IKZF5: variants seen among roughly 807,000 people sequenced by gnomAD.
The protein encoded by IKZF5 is IKAROS family zinc finger 5.
IKZF5 carries 4 observed loss-of-function variants against 30.7 expected under a neutral mutation model. The observed-to-expected ratio is 0.13, with a 90% CI of 0.06 to 0.30. The LOEUF is 0.30. Among genes scored for constraint, IKZF5 ranks in the 10% least tolerant of loss-of-function variants. The probability of loss-of-function intolerance (pLI) is 1.00; values close to 1 mark genes in which losing one functional copy is unlikely to be tolerated. For missense variants in IKZF5, 348 were observed against 525.5 expected (o/e 0.66, Z 3.30); for synonymous variants, 148 against 179.6 (o/e 0.82, Z 1.41).
At position 122,998,494 on chromosome 10, in the gene IKZF5, T is replaced by G. The variant is rs765098264; in HGVS notation, c.132A>C (p.Gly44=). 3.7e-6 allele frequency: 6 copies of G among 1,610,260 alleles called. No homozygotes were observed. The highest frequency in any genetic ancestry group is 5.1e-6 in the Non-Finnish European group (6 of 1,178,134). Residue 44 remains glycine (G), a splice_region_variant and synonymous_variant, in exon 3 of 5, where the codon GGA becomes GGC. Coordinates refer to ENST00000368886, the MANE Select transcript of IKZF5 (RefSeq NM_001372123.1). ...TTAGTAGTATTAAAATGAGTCTACC[T>G]CCCTGAAGAGCCTCTGCTTCTTTGT... ...SGDKEAEALQ[G]AGTDGDQNGL... is the part of the protein sequence containing the mutation.
chr10:122,997,225 G>A (rs1849407774), intron 3 of IKZF5: 1 of 152,178 alleles, frequency 6.6e-6, no homozygotes, highest in Non-Finnish European at 1.5e-5. Flanking sequence ...CGTTAGGAGG[G>A]AAATTTCCAT....
chr10:123,003,503 A>G (rs924692230), intron 2 of IKZF5, among the ~76,000 whole-genome samples: 1 of 152,186 alleles, frequency 6.6e-6, no homozygotes, highest in Non-Finnish European at 1.5e-5. Context: ...TCTCAGCCTT[A>G]GTTTCCTATT....
At chr10:123,008,088 G>A (rs551636051) in intron 1 of IKZF5, among the ~76,000 whole-genome samples, 54 of 152,238 alleles carry the variant, frequency 3.5e-4, no homozygotes, top group African/African-American at 1.2e-3. Context: ...TCTAAACCCC[G>A]AATGAACCTG....
intron 2 of IKZF5, among the ~76,000 whole-genome samples, chr10:123,006,029 T>C (rs890611302): frequency 2.0e-5 from 3 of 152,182 alleles, no homozygotes; most frequent in South Asian, 2.1e-4. Context: ...GAATATAGTA[T>C]GGAATTCCAT....
intron 2 of IKZF5, among the ~76,000 whole-genome samples, chr10:123,005,188 A>G (rs1454913616): frequency 2.0e-5 from 3 of 152,168 alleles, no homozygotes; most frequent in Admixed American, 1.3e-4. Flanking sequence ...AAAGAAAATA[A>G]AGGTTTTCTA....
chr10:122,999,143 G>A (rs981134217), intron 2 of IKZF5, among the ~76,000 whole-genome samples: 12 of 152,180 alleles, frequency 7.9e-5, no homozygotes, highest in Admixed American at 3.9e-4. Context: ...GCAGTGAGCC[G>A]TGATTGCACC....
chr10:123,005,194 T>C (rs747514240), intron 2 of IKZF5, among the ~76,000 whole-genome samples: 1 of 152,158 alleles, frequency 6.6e-6, no homozygotes, highest in Non-Finnish European at 1.5e-5. Flanking sequence ...AATAAAGGTT[T>C]TCTATCTGAG....
rs1460918888 is a variant in IKZF5, at chr10:122,994,468, T to C, written c.572A>G (p.Tyr191Cys). 5 of 1,614,182 alleles carry C rather than the reference T, an allele frequency of 3.1e-6. No individual in the cohort carries two copies. The highest frequency in any genetic ancestry group is 1.7e-5 in the Admixed American group (1 of 60,022). Residue 191 changes from tyrosine to cysteine, a missense_variant, in exon 5 of 5, where the codon TAT (tyrosine) becomes TGT (cysteine). This residue lies in a region of IKZF5 where 176 missense variants were observed against 198.2 expected (regional missense o/e 0.89). Coordinates refer to ENST00000368886, the MANE Select transcript of IKZF5 (RefSeq NM_001372123.1). The surrounding 1 kb of genome is among the most constrained non-coding windows in gnomAD (Gnocchi z 5.6). ...VLQKKTSNLGYSRRALINLSP... is the reference protein window; with the variant it reads ...VLQKKTSNLGCSRRALINLSP... Reference sequence around the variant, plus strand: ...TAAGTTGATTAGTGCTCTTCTGCTATAGCCCAGATTGCTTGTTTTCTTCTG... The same window carrying C: ...TAAGTTGATTAGTGCTCTTCTGCTACAGCCCAGATTGCTTGTTTTCTTCTG...
intron 2 of IKZF5, among the ~76,000 whole-genome samples, chr10:123,005,588 T>C (rs769292975): frequency 6.6e-5 from 10 of 152,240 alleles, no homozygotes; most frequent in Non-Finnish European, 1.2e-4. Flanking sequence ...ACTGAATGTT[T>C]ATGTCCCCAA....
chr10:122,998,416 C>G, intron 3 of IKZF5, 77 bp downstream of exon 3: 1 of 1,270,062 alleles, frequency 7.9e-7, no homozygotes, highest in South Asian at 1.5e-5. Context: ...GCGCAGTGGT[C>G]TTCACAGTAA....
chr10:123,006,508 G>A (rs1215462058), intron 2 of IKZF5, among the ~76,000 whole-genome samples: 1 of 152,158 alleles, frequency 6.6e-6, no homozygotes, highest in African/African-American at 2.4e-5. Context: ...AACCAGAGAA[G>A]AAGCTCTCTA....
At chr10:123,004,674 T>C (rs534499746) in intron 2 of IKZF5, among the ~76,000 whole-genome samples, 8 of 151,246 alleles carry the variant, frequency 5.3e-5, no homozygotes, top group Non-Finnish European at 4.4e-5. Flanking sequence ...CACTGTAACA[T>C]TGCAAACATG....
intron 2 of IKZF5, among the ~76,000 whole-genome samples, chr10:123,002,026 C>T (rs551032168): frequency 6.6e-6 from 1 of 152,256 alleles, no homozygotes; most frequent in Admixed American, 6.5e-5. Flanking sequence ...TTTGTTTTCC[C>T]TGTTTCCTGG....
rs766439570 is a variant in IKZF5 at position 122,994,425 on chromosome 10, C to G, written c.615G>C (p.Val205=). Residue 205 remains valine (V), a synonymous_variant, in exon 5 of 5, where the codon GTG becomes GTC. Coordinates refer to ENST00000368886, the MANE Select transcript of IKZF5 (RefSeq NM_001372123.1). This position sits in a 1 kb window ranked among gnomAD's most constrained non-coding sequence, Gnocchi z 5.6. ...ALINLSPPSM[V]VQKPDYLNDF... is the part of the protein sequence containing the mutation. ...CGTTAAGGTAGTCTGGTTTCTGAAC[C>G]ACCATGGAAGGTGGACTTAAGTTGA... 6.2e-7 allele frequency: 1 copy of G among 1,614,104 alleles called. No homozygotes were observed. Among genetic ancestry groups the G allele is most frequent in the African/African-American group, 1.3e-5 (1 of 74,992 alleles).
intron 4 of IKZF5, 63 bp downstream of exon 4, chr10:122,995,931 C>G: frequency 6.7e-7 from 1 of 1,501,522 alleles, no homozygotes; most frequent in South Asian, 1.2e-5. Flanking sequence ...ACAAACCAAC[C>G]TGCCCCCCTT....
chr10:122,998,144 A>G lies in IKZF5; in HGVS notation c.133+349T>C, dbSNP rs1849449428. 3.6e-5 allele frequency: 6 copies of G among 166,210 alleles called. No homozygotes were observed. The South Asian group carries it at 1.2e-3, about 33-fold the overall frequency. 10.3% of individuals were successfully genotyped at this position (166,210 alleles called of 1,614,324 possible). On this transcript the variant is annotated intron_variant, in intron 3 of 4. Transcript: ENST00000368886. ...AAACTGAAACCCCTATTTTTATCTCAGGTCGAATCCAGATTTCCTGATGGC... is the reference window on the plus strand; with the variant it reads ...AAACTGAAACCCCTATTTTTATCTCGGGTCGAATCCAGATTTCCTGATGGC...
intron 1 of IKZF5, among the ~76,000 whole-genome samples, 164 bp from the exon 2 acceptor site, chr10:123,007,340 C>A (rs1340847081): frequency 2.6e-5 from 4 of 152,212 alleles, no homozygotes; most frequent in Non-Finnish European, 5.9e-5. Flanking sequence ...GCAGTAGCTT[C>A]ACTTCAGCAA....
chr10:122,999,607 G>C (rs111818873), intron 2 of IKZF5, among the ~76,000 whole-genome samples: 3,686 of 152,366 alleles, frequency 0.024, 65 homozygotes, highest in Middle Eastern at 0.037. Flanking sequence ...CGTTGAGCCA[G>C]ATTTGGCCTA....
intron 1 of IKZF5, 132 bp from the exon 2 acceptor site, chr10:123,007,308 G>A (rs986140003): frequency 2.6e-5 from 4 of 152,148 alleles, no homozygotes; most frequent in African/African-American, 9.7e-5. Flanking sequence ...AAAACGAACT[G>A]ACAGATTAAT....
Sources: allele counts gnomAD v4.1 joint callset (sites outside exome capture counted in the v4.1 genomes callset), GRCh38; gene constraint gnomAD v4.1.1; regional missense constraint gnomAD v4.1.1; non-coding constraint Gnocchi (gnomAD v3.1); transcripts MANE v1.5; gene names NCBI Gene and HGNC (gene_info 2026-07-23, HGNC 2026-07-21).